The following RUNX1 variants were observed in gnomAD, a reference collection of about 807,000 sequenced individuals.
RUNX1 encodes the protein runt-related transcription factor 1.
Under a neutral mutation model 42.8 loss-of-function variants are expected in RUNX1, and 19 were observed. The observed-to-expected ratio is 0.44, with a 90% CI of 0.31 to 0.65. RUNX1 has a LOEUF of 0.65. RUNX1 is among the 30% of genes least tolerant of loss of function. The pLI is 0.07. For missense variants in RUNX1, 528 were observed against 672.0 expected (o/e 0.79, Z 2.37); for synonymous variants, 271 against 289.4 (o/e 0.94, Z 0.64).
At chr21:35,039,765 C>T (rs1411606027) in intron 2 of RUNX1, among the ~76,000 whole-genome samples, 1 of 152,204 alleles carries the variant, frequency 6.6e-6, no homozygotes, top group East Asian at 1.9e-4. Flanking sequence ...GGCACTTCTA[C>T]TTCTTTATAT....
At chr21:34,838,637 G>A (rs2057184974) in intron 6 of RUNX1, among the ~76,000 whole-genome samples, 1 of 152,120 alleles carries the variant, frequency 6.6e-6, no homozygotes. Context: ...ATAAAAATAT[G>A]GGGTTTTCTT....
chr21:34,792,300 C>CGGGGGGGGGGG lies in RUNX1; in HGVS notation c.1277_1278insCCCCCCCCCCC (p.Arg427ProfsTer171), dbSNP rs2056451263. 3 of 1,534,594 alleles carry CGGGGGGGGGGG rather than the reference C, an allele frequency of 2.0e-6. No homozygotes were observed. The highest frequency in any genetic ancestry group is 1.8e-6 in the Non-Finnish European group (2 of 1,141,252). On this transcript the variant is annotated frameshift_variant, in exon 9 of 9. Coordinates refer to ENST00000675419, the MANE Select transcript of RUNX1 (RefSeq NM_001754.5). LOFTEE classifies it high-confidence loss of function. This position sits in a 1 kb window ranked among gnomAD's most constrained non-coding sequence, Gnocchi z 6.9. ...CGTTGGTGCAGGGCGGCAGGATGCGCGGCGGCGAGCGCTCGCCGCCCACCA... is the reference window on the plus strand; with the variant it reads ...CGTTGGTGCAGGGCGGCAGGATGCGCGGGGGGGGGGGGGCGGCGAGCGCTCGCCGCCCACCA...
chr21:34,855,563 G>T (rs2057484100), intron 6 of RUNX1, among the ~76,000 whole-genome samples: 1 of 152,092 alleles, frequency 6.6e-6, no homozygotes, highest in Admixed American at 6.6e-5. Context: ...AAATTAGCTG[G>T]GAGTGGTTGT....
intron 5 of RUNX1, among the ~76,000 whole-genome samples, chr21:34,863,761 A>G (rs1232587637): frequency 6.6e-6 from 1 of 151,992 alleles, no homozygotes; most frequent in Non-Finnish European, 1.5e-5. Context: ...TCACTATGTC[A>G]GCCATGCTGG....
chr21:34,859,705 C>T (rs751139898), intron 5 of RUNX1, 127 bp from the exon 6 acceptor site: 21 of 834,492 alleles, frequency 2.5e-5, no homozygotes, highest in South Asian at 4.1e-5. Flanking sequence ...ACAACACTCC[C>T]GGAATTTTGG....
At chr21:34,871,216 CCTT>C (rs2057732332) in intron 5 of RUNX1, among the ~76,000 whole-genome samples, 1 of 152,182 alleles carries the variant, frequency 6.6e-6, no homozygotes. Flanking sequence ...TCCCCAGTGA[CCTT>C]CTCTCTAGAG....
intron 2 of RUNX1, among the ~76,000 whole-genome samples, chr21:34,922,863 A>G (rs998609963): frequency 1.3e-5 from 2 of 152,236 alleles, no homozygotes; most frequent in African/African-American, 4.8e-5. Context: ...TTACTGAATA[A>G]GTATCTACCA....
intron 6 of RUNX1, among the ~76,000 whole-genome samples, chr21:34,835,501 C>T (rs1016770500): frequency 6.6e-6 from 1 of 152,036 alleles, no homozygotes; most frequent in African/African-American, 2.4e-5. Context: ...CCAAAACAAC[C>T]GTCACCAGGA....
At chr21:34,873,494 T>A (rs996966942) in intron 5 of RUNX1, among the ~76,000 whole-genome samples, 1 of 152,356 alleles carries the variant, frequency 6.6e-6, no homozygotes, top group Middle Eastern at 3.4e-3. Flanking sequence ...TGTACTTACA[T>A]CTTCTTTGAG....
At chr21:35,010,765 T>C (rs945050838) in intron 2 of RUNX1, among the ~76,000 whole-genome samples, 11 of 152,174 alleles carry the variant, frequency 7.2e-5, no homozygotes, top group Non-Finnish European at 1.3e-4. Context: ...TCGTTGAGGC[T>C]GAAGAAAATC....
chr21:34,865,193 A>C (rs1049355360), intron 5 of RUNX1, among the ~76,000 whole-genome samples: 2 of 152,252 alleles, frequency 1.3e-5, no homozygotes, highest in Non-Finnish European at 2.9e-5. Flanking sequence ...AGGTGATTCC[A>C]CAAAGACCAG....
intron 3 of RUNX1, chr21:34,888,013 G>A: frequency 9.4e-7 from 1 of 1,066,132 alleles, no homozygotes; most frequent in African/African-American, 1.6e-5. Flanking sequence ...CTGTGAACTC[G>A]GGTTTGGGGA....
Position 34,950,791 on chromosome 21 carries a change from G to T in RUNX1, c.59-57828C>A, listed in dbSNP as rs188785133. Among the ~76,000 whole-genome samples the T allele has an allele frequency of 2.2e-4, 33 of 152,316 alleles. 1 individual carries two copies. The highest frequency in any genetic ancestry group is 2.1e-3 in the Admixed American group (32 of 15,294). ...CTTAGTTACATTTCAGAGAGGATATGTGGTAGGCAGAGTACCTGTGGATGG... is the reference window on the plus strand; with the variant it reads ...CTTAGTTACATTTCAGAGAGGATATTTGGTAGGCAGAGTACCTGTGGATGG... On this transcript the variant is annotated intron_variant, in intron 2 of 8. Coordinates refer to ENST00000675419, the MANE Select transcript of RUNX1 (RefSeq NM_001754.5).
At chr21:34,834,635 G>GTT in intron 6 of RUNX1, 34 bp from the exon 7 acceptor site, 1 of 1,127,352 alleles carries the variant, frequency 8.9e-7, no homozygotes, top group Non-Finnish European at 1.3e-6. Context: ...AGGGGATGGG[G>GTT]GGAGGGAAGG....
intron 2 of RUNX1, among the ~76,000 whole-genome samples, chr21:35,016,523 G>T (rs2059160014): frequency 6.6e-6 from 1 of 152,184 alleles, no homozygotes; most frequent in Non-Finnish European, 1.5e-5. Context: ...GCATATTGGA[G>T]GAGGAAGAAG....
At chr21:34,797,697 C>G (rs773691297) in intron 8 of RUNX1, among the ~76,000 whole-genome samples, 2 of 152,188 alleles carry the variant, frequency 1.3e-5, no homozygotes, top group South Asian at 4.1e-4. Flanking sequence ...ACTCTCAATG[C>G]CTTGGAGCAG....
chr21:35,026,296 T>C (rs188316865), intron 2 of RUNX1, among the ~76,000 whole-genome samples: 48 of 152,362 alleles, frequency 3.2e-4, no homozygotes, highest in African/African-American at 1.0e-3. Context: ...GGTTACCCAC[T>C]GACTTCTCAT....
chr21:34,888,116 G>A, intron 3 of RUNX1: 2 of 1,066,318 alleles, frequency 1.9e-6, no homozygotes, highest in Non-Finnish European at 2.3e-6. Flanking sequence ...TCGGAAGGCA[G>A]CCACTGTCTA....
chr21:34,896,037 CT>C (rs925761079), intron 2 of RUNX1, among the ~76,000 whole-genome samples: 2 of 151,814 alleles, frequency 1.3e-5, no homozygotes, highest in African/African-American at 2.4e-5. Context: ...AGCATCTGTC[CT>C]TTAATAGTAG....
Sources: gnomAD v4.1 joint callset for allele counts (sites outside exome capture counted in the v4.1 genomes callset) on GRCh38, gnomAD v4.1.1 for gene constraint, Gnocchi (gnomAD v3.1) non-coding constraint, MANE v1.5 for transcripts, NCBI Gene and HGNC (gene_info 2026-07-23, HGNC 2026-07-21) for gene names.